GFRA2: variants seen among roughly 807,000 people sequenced by gnomAD.
GFRA2 encodes GDNF family receptor alpha-2.
A neutral mutation model predicts 48.3 loss-of-function variants in GFRA2; 17 were observed. That is an observed-to-expected ratio of 0.35 (90% CI 0.24 to 0.53). The LOEUF (loss-of-function observed/expected upper bound fraction) is 0.53, where lower values mean the gene tolerates loss of function less well. Ranked by LOEUF, GFRA2 falls within the 20% of genes least tolerant of loss-of-function variation. GFRA2 has a pLI of 0.93. For synonymous variants in GFRA2, 305 were observed against 257.2 expected (o/e 1.19, Z -1.78); for missense variants, 660 against 637.3 (o/e 1.04, Z -0.38).
chr8:21,763,971 AC>A, intron 3 of GFRA2, among the ~76,000 whole-genome samples: 1 of 89,874 alleles, frequency 1.1e-5, no homozygotes, highest in African/African-American at 5.6e-5. Flanking sequence ...ACACACACAC[AC>A]ACACACACAC....
chr8:21,708,963 G>A (rs1748317179), intron 4 of GFRA2, among the ~76,000 whole-genome samples: 1 of 152,178 alleles, frequency 6.6e-6, no homozygotes, highest in Non-Finnish European at 1.5e-5. Flanking sequence ...AGACTTCACT[G>A]TTTGCTTTGG....
intron 3 of GFRA2, chr8:21,769,100 T>G: frequency 1.2e-6 from 1 of 833,420 alleles, no homozygotes; most frequent in Non-Finnish European, 1.4e-6. Flanking sequence ...ACTTAGGGAG[T>G]GCCTAAATGA....
chr8:21,752,794 TG>T (rs1205056166), intron 3 of GFRA2, among the ~76,000 whole-genome samples: 1 of 152,164 alleles, frequency 6.6e-6, no homozygotes, highest in African/African-American at 2.4e-5. Context: ...TGGAAACAAC[TG>T]CATCCTTCCA....
At chr8:21,740,937 A>G (rs1468289225) in intron 4 of GFRA2, among the ~76,000 whole-genome samples, 1 of 151,988 alleles carries the variant, frequency 6.6e-6, no homozygotes. Flanking sequence ...AATATCTCCA[A>G]TTTATCCACT....
chr8:21,711,852 G>T (rs1803051456), intron 4 of GFRA2, among the ~76,000 whole-genome samples: 1 of 152,096 alleles, frequency 6.6e-6, no homozygotes, highest in Admixed American at 6.5e-5. Flanking sequence ...TTGTGTCCCT[G>T]GGTACTTGAG....
At chr8:21,703,737 C>T (rs534043969) in intron 6 of GFRA2, among the ~76,000 whole-genome samples, 2 of 152,294 alleles carry the variant, frequency 1.3e-5, no homozygotes, top group African/African-American at 4.8e-5. Flanking sequence ...CTGAGCTCAC[C>T]TCCTAAAGAT....
chr8:21,789,372 C>T (rs1438854885), upstream of GFRA2: 2 of 152,572 alleles, frequency 1.3e-5, no homozygotes, highest in Non-Finnish European at 2.9e-5. Flanking sequence ...CCCCCTGCGC[C>T]GCTGGGTCTG....
At chr8:21,778,159 C>A (rs1043520515) in intron 2 of GFRA2, among the ~76,000 whole-genome samples, 29 of 152,298 alleles carry the variant, frequency 1.9e-4, no homozygotes, top group African/African-American at 7.0e-4. Context: ...CTCAGCGATT[C>A]TTGCCCTCTC....
Position 21,776,469 on chromosome 8 carries a change from C to CTT in GFRA2, c.356-1416_356-1415dup, listed in dbSNP as rs142915155. 1.6e-3 allele frequency among the ~76,000 whole-genome samples: 210 copies of CTT among 133,846 alleles called. 1 individual carries two copies. The highest frequency in any genetic ancestry group is 5.6e-3 in the African/African-American group (194 of 34,392). The allele number at this position is 133,846 out of a possible 152,430, so 87.8% of individuals were successfully genotyped here. The stretch of plus-strand genomic sequence containing the variant: ...ACAACAGCCTCATCCAGACGAGACT[C>CTT]TTTTTTTTTTTTTTTTTTGAGACAG... On this transcript the variant is annotated intron_variant, in intron 2 of 8. Coordinates refer to ENST00000524240, the MANE Select transcript of GFRA2 (RefSeq NM_001495.5).
intron 4 of GFRA2, among the ~76,000 whole-genome samples, chr8:21,706,709 G>A (rs920732831): frequency 2.0e-5 from 3 of 152,054 alleles, no homozygotes; most frequent in African/African-American, 4.8e-5. Context: ...GTAACACGCC[G>A]CCACCCATTC....
chr8:21,766,231 G>T (rs1806143149), intron 3 of GFRA2, among the ~76,000 whole-genome samples: 2 of 152,128 alleles, frequency 1.3e-5, no homozygotes, highest in South Asian at 4.2e-4. Context: ...CTGTGAGTCA[G>T]ATTTTGTGGT....
intron 7 of GFRA2, 121 bp from the exon 8 acceptor site, chr8:21,694,638 C>A: frequency 1.1e-6 from 1 of 872,586 alleles, no homozygotes; most frequent in South Asian, 1.5e-5. Flanking sequence ...AGCCAGCGCA[C>A]ACGGTGAAGA....
intron 4 of GFRA2, among the ~76,000 whole-genome samples, chr8:21,726,601 G>T (rs947040489): frequency 1.3e-5 from 2 of 152,124 alleles, no homozygotes; most frequent in African/African-American, 4.8e-5. Flanking sequence ...GCTTGTGGCT[G>T]CACCACTTCA....
At position 21,782,859 on chromosome 8, in the gene GFRA2, C is replaced by A; in HGVS notation, c.81G>T (p.Gln27His). 1 of 1,568,392 alleles carries A rather than the reference C, an allele frequency of 6.4e-7. No homozygotes were observed. Among genetic ancestry groups the A allele is most frequent in the Admixed American group, 1.8e-5 (1 of 55,014 alleles). ...LRSLASPSSL[Q>H]GPELHGWRPP... Reference sequence around the variant, plus strand: ...GGCGCCAGCCGTGGAGCTCGGGGCCCTGCAGGGAGGAAGGGCTGGCCAAAG... The same window carrying A: ...GGCGCCAGCCGTGGAGCTCGGGGCCATGCAGGGAGGAAGGGCTGGCCAAAG... The change falls in exon 2 of 9, where the codon CAG becomes CAT. Residue 27 changes from glutamine to histidine, a missense_variant. Coordinates refer to ENST00000524240, the MANE Select transcript of GFRA2 (RefSeq NM_001495.5).
At chr8:21,729,403 C>T (rs1216408498) in intron 4 of GFRA2, among the ~76,000 whole-genome samples, 1 of 152,138 alleles carries the variant, frequency 6.6e-6, no homozygotes, top group Non-Finnish European at 1.5e-5. Flanking sequence ...AGGGCTGCCC[C>T]TCCCCTCCAG....
intron 2 of GFRA2, among the ~76,000 whole-genome samples, chr8:21,800,925 CA>C (rs34924711): frequency 0.42 from 47,675 of 112,494 alleles, 8,072 homozygotes; most frequent in African/African-American, 0.5. Context: ...GACCTGGTGT[CA>C]AAAAAAAAAA....
intron 4 of GFRA2, among the ~76,000 whole-genome samples, chr8:21,731,436 C>T (rs1804188498): frequency 6.6e-6 from 1 of 152,106 alleles, no homozygotes; most frequent in Non-Finnish European, 1.5e-5. Context: ...CTCCAAAAGG[C>T]CTTCATATGC....
At chr8:21,730,533 T>G (rs1804136805) in intron 4 of GFRA2, among the ~76,000 whole-genome samples, 1 of 152,140 alleles carries the variant, frequency 6.6e-6, no homozygotes, top group African/African-American at 2.4e-5. Flanking sequence ...GTTTGAGCCT[T>G]CCATGGCAAT....
chr8:21,753,336 G>A (rs1164532668), intron 3 of GFRA2, among the ~76,000 whole-genome samples: 1 of 152,174 alleles, frequency 6.6e-6, no homozygotes, highest in Non-Finnish European at 1.5e-5. Flanking sequence ...GGCTGGACAC[G>A]GTGGTTCACG....
Sources: allele counts gnomAD v4.1 joint callset (sites outside exome capture counted in the v4.1 genomes callset), GRCh38; gene constraint gnomAD v4.1.1; transcripts MANE v1.5; gene names NCBI Gene and HGNC (gene_info 2026-07-23, HGNC 2026-07-21).